The following PCDHA2 variants were observed in gnomAD, a reference collection of about 807,000 sequenced individuals.
PCDHA2 encodes the protein protocadherin alpha 2.
Under a neutral mutation model 66.0 loss-of-function variants are expected in PCDHA2, and 58 were observed. The observed-to-expected ratio is 0.88, with a 90% CI of 0.71 to 1.09. PCDHA2 has a LOEUF of 1.09. Ranked by LOEUF, PCDHA2 falls within the 50% of genes least tolerant of loss-of-function variation. PCDHA2 has a pLI of 0.00. For synonymous variants in PCDHA2, 634 were observed against 554.0 expected (o/e 1.14, Z -2.03); for missense variants, 1,267 against 1,242.3 (o/e 1.02, Z -0.30).
At chr5:140,950,452 C>A (rs1030639288) in intron 1 of PCDHA2, among the ~76,000 whole-genome samples, 12 of 151,888 alleles carry the variant, frequency 7.9e-5, no homozygotes, top group African/African-American at 2.7e-4. Context: ...ATTCTACTGT[C>A]TTCTAATGCT....
intron 1 of PCDHA2, 112 bp downstream of exon 1, chr5:140,797,464 T>C (rs782069726): frequency 1.6e-6 from 2 of 1,250,264 alleles, no homozygotes; most frequent in Non-Finnish European, 2.2e-6. Context: ...TATATCATCC[T>C]ACCGTGCGAT....
intron 1 of PCDHA2, chr5:140,843,675 T>A: frequency 6.3e-7 from 1 of 1,591,382 alleles, no homozygotes; most frequent in South Asian, 1.1e-5. Flanking sequence ...TCAGTTGATG[T>A]AGGCGAAGAG....
intron 1 of PCDHA2, chr5:140,860,707 T>G (rs914346962): frequency 6.6e-6 from 1 of 152,220 alleles, no homozygotes; most frequent in Non-Finnish European, 1.5e-5. Context: ...ATTGTTGTTC[T>G]CCATGAAAAG....
intron 1 of PCDHA2, chr5:140,868,803 C>A: frequency 2.9e-6 from 1 of 350,392 alleles, no homozygotes; most frequent in South Asian, 7.0e-5. Context: ...CATAAATAAG[C>A]ACGTTGGAAA....
intron 1 of PCDHA2, among the ~76,000 whole-genome samples, chr5:140,798,950 C>G (rs1309510759): frequency 2.6e-5 from 4 of 152,170 alleles, no homozygotes; most frequent in Admixed American, 2.0e-4. Flanking sequence ...AGTGATCTTA[C>G]CTTTAGCCAT....
At chr5:140,970,384 C>T (rs2096401322) in intron 1 of PCDHA2, among the ~76,000 whole-genome samples, 1 of 152,104 alleles carries the variant, frequency 6.6e-6, no homozygotes, top group Admixed American at 6.5e-5. Flanking sequence ...AAAAGGCTGG[C>T]TTGGAAAGTG....
chr5:140,937,921 A>G (rs1304092674), intron 1 of PCDHA2, among the ~76,000 whole-genome samples: 2 of 152,184 alleles, frequency 1.3e-5, no homozygotes, highest in Non-Finnish European at 2.9e-5. Flanking sequence ...CAAAAAAAAA[A>G]AAAAAAGTTT....
intron 1 of PCDHA2, among the ~76,000 whole-genome samples, chr5:140,941,214 C>CCTTTCTTTCTTCCTTTCTTTCTTTCTTT (rs2092876516): frequency 4.1e-5 from 5 of 122,412 alleles, no homozygotes; most frequent in Non-Finnish European, 8.5e-5. Flanking sequence ...TTTCTTTCTT[C>CCTTTCTTTCTTCCTTTCTTTCTTTCTTT]CTTTCTTTCT....
chr5:140,820,724 C>A (rs926082554), intron 1 of PCDHA2, among the ~76,000 whole-genome samples: 1 of 151,900 alleles, frequency 6.6e-6, no homozygotes, highest in Non-Finnish European at 1.5e-5. Flanking sequence ...TTACTGGAAC[C>A]TAAACATTTT....
At chr5:140,855,988 C>T (rs1554148065) in intron 1 of PCDHA2, 4 of 1,481,966 alleles carry the variant, frequency 2.7e-6, no homozygotes, top group African/African-American at 1.4e-5. Flanking sequence ...CAGAAAATGT[C>T]AGATCGTATG....
chr5:140,848,857 T>C (rs2150422920), intron 1 of PCDHA2: 1 of 1,590,410 alleles, frequency 6.3e-7, no homozygotes, highest in Non-Finnish European at 8.6e-7. Context: ...CATGTGGACG[T>C]GGAGGTGAAG....
chr5:140,853,742 G>A, intron 1 of PCDHA2: 1 of 988,574 alleles, frequency 1.0e-6, no homozygotes, highest in Non-Finnish European at 1.2e-6. Context: ...GAATGTTCTG[G>A]TTCAAGGCTC....
rs1441365634 is a variant in PCDHA2, at chr5:140,822,733, G to T, written c.2388+25381G>T. 3 of 1,613,118 alleles carry T rather than the reference G, an allele frequency of 1.9e-6. No individual in the cohort carries two copies. In the African/African-American group the frequency reaches 4.0e-5, roughly 22 times the overall value. On this transcript the variant is annotated intron_variant, in intron 1 of 3. Coordinates refer to ENST00000526136, the MANE Select transcript of PCDHA2 (RefSeq NM_018905.3). ...CTATAACTCATATGAAATTAATATT[G>T]ATGCCATGGATAAAAGTACATTCCC... is the stretch of plus-strand genomic sequence containing the variant.
intron 1 of PCDHA2, chr5:140,802,136 T>C (rs782365037): frequency 1.2e-6 from 2 of 1,614,208 alleles, no homozygotes; most frequent in African/African-American, 1.3e-5. Context: ...TCGAGGAAAG[T>C]AAGTCATATG....
chr5:140,916,161 G>C (rs1469456505), intron 1 of PCDHA2, among the ~76,000 whole-genome samples: 2 of 152,084 alleles, frequency 1.3e-5, no homozygotes, highest in African/African-American at 2.4e-5. Flanking sequence ...GGTGAATGCT[G>C]CCAGGCCTGG....
In PCDHA2 at chr5:140,857,765, G is replaced by A. The variant is rs374400381; in HGVS notation, c.2388+60413G>A. The stretch of plus-strand genomic sequence containing the variant: ...GCTGGCGTCTCCCGCTGGCAGCGCG[G>A]GCGGTGCAGTCAGTGAGCTGGTGCT... On this transcript the variant is annotated intron_variant, in intron 1 of 3. Coordinates refer to ENST00000526136, the MANE Select transcript of PCDHA2 (RefSeq NM_018905.3). The A allele has an allele frequency of 6.1e-5, 98 of 1,597,608 alleles. 8 individuals are homozygous for A. In the African/African-American group the frequency reaches 1.2e-3, roughly 19 times the overall value.
At chr5:140,807,275 C>T (rs781978494) in intron 1 of PCDHA2, 2 of 1,614,232 alleles carry the variant, frequency 1.2e-6, no homozygotes, top group Admixed American at 1.7e-5. Context: ...AGGGAACGGT[C>T]AGCTCCACTA....
At chr5:140,901,553 A>C (rs1387848935) in intron 1 of PCDHA2, among the ~76,000 whole-genome samples, 1 of 152,072 alleles carries the variant, frequency 6.6e-6, no homozygotes, top group African/African-American at 2.4e-5. Flanking sequence ...TGTTCCATTC[A>C]TCTATGTGTC....
intron 1 of PCDHA2, chr5:140,815,925 G>T (rs1464876643): frequency 1.3e-5 from 2 of 152,112 alleles, no homozygotes; most frequent in Non-Finnish European, 2.9e-5. Context: ...GGATGGCAAG[G>T]TTTCTACTGA....
Sources: gnomAD v4.1 joint callset for allele counts (sites outside exome capture counted in the v4.1 genomes callset) on GRCh38, gnomAD v4.1.1 for gene constraint, MANE v1.5 for transcripts, NCBI Gene and HGNC (gene_info 2026-07-23, HGNC 2026-07-21) for gene names.